Variants in TBC1D20 observed in about 807,000 individuals in gnomAD.
The protein encoded by TBC1D20 is TBC1 domain family member 20.
In TBC1D20, 12 loss-of-function variants were observed where a neutral mutation model predicts 41.6. That is an observed-to-expected ratio of 0.29 (90% confidence interval 0.18 to 0.47). The LOEUF (loss-of-function observed/expected upper bound fraction) is 0.47. Among genes scored for constraint, TBC1D20 ranks in the 20% least tolerant of loss-of-function variants. TBC1D20 has a pLI of 1.00. For synonymous variants in TBC1D20, 205 were observed against 204.8 expected (o/e 1.00, Z -0.01); for missense variants, 421 against 517.4 (o/e 0.81, Z 1.81).
At chr20:460,947 G>C (rs2017619266) in intron 1 of TBC1D20, among the ~76,000 whole-genome samples, 1 of 152,192 alleles carries the variant, frequency 6.6e-6, no homozygotes, top group African/African-American at 2.4e-5. Flanking sequence ...CATGAGGACA[G>C]ACATCACACA....
Position 462,344 on chromosome 20 carries a change from T to C in TBC1D20, c.62A>G (p.Glu21Gly), listed in dbSNP as rs2017648481. Residue 21 changes from glutamate to glycine, a missense_variant, in exon 1 of 8, where the codon GAG (glutamate) becomes GGG (glycine). By Grantham distance (98) the Glu-to-Gly change is moderately conservative (BLOSUM62 -2). This residue lies in a region of TBC1D20 where 150 missense variants were observed against 151.3 expected (regional missense o/e 0.99). Coordinates refer to ENST00000354200, the MANE Select transcript of TBC1D20 (RefSeq NM_144628.4). ...PTSGHWDGGA[E>G]KADFNAKRKK... ...CCGGTCGGCTTCCGTACCTGCCTTC[T>C]CCGCGCCGCCGTCCCAGTGGCCGGA... The C allele has an allele frequency of 3.1e-6, 4 of 1,304,910 alleles. No individual in the cohort carries two copies. The highest frequency in any genetic ancestry group is 3.6e-5 in the East Asian group (1 of 27,580). The allele number at this position is 1,304,910 out of a possible 1,614,324, so 80.8% of individuals were successfully genotyped here.
intron 3 of TBC1D20, among the ~76,000 whole-genome samples, chr20:443,928 A>G (rs1300626481): frequency 1.3e-5 from 2 of 152,122 alleles, no homozygotes; most frequent in Non-Finnish European, 2.9e-5. Flanking sequence ...GTTCGAGAGC[A>G]GCCTGGCCAA....
intron 1 of TBC1D20, among the ~76,000 whole-genome samples, chr20:458,696 C>T (rs1249761713): frequency 6.6e-6 from 1 of 152,142 alleles, no homozygotes; most frequent in African/African-American, 2.4e-5. Context: ...GCAACAAATA[C>T]GTGCAGAATA....
intron 5 of TBC1D20, 186 bp downstream of exon 5, chr20:441,402 A>G (rs1032834615): frequency 5.5e-5 from 33 of 599,030 alleles, no homozygotes; most frequent in Non-Finnish European, 9.5e-5. Context: ...CCCAAAGAGC[A>G]CAGTCCCCAA....
intron 1 of TBC1D20, among the ~76,000 whole-genome samples, chr20:459,692 G>C (rs1248983978): frequency 6.6e-6 from 1 of 151,962 alleles, no homozygotes; most frequent in Non-Finnish European, 1.5e-5. Flanking sequence ...CTTTATTTGA[G>C]GGGCACCACA....
chr20:440,591 G>A (rs2017209164), intron 5 of TBC1D20: 3 of 594,932 alleles, frequency 5.0e-6, no homozygotes, highest in Non-Finnish European at 8.2e-6. Context: ...CCACAACAGG[G>A]TCCTGGCTGC....
At position 462,477 on chromosome 20, in the gene TBC1D20, C is replaced by A; in HGVS notation, c.-72G>T. On this transcript the variant is annotated 5_prime_UTR_variant, in exon 1 of 8. Coordinates refer to ENST00000354200, the MANE Select transcript of TBC1D20 (RefSeq NM_144628.4). ...CCGGGAGAAGACGCGGCTCCGACCG[C>A]GGGACGTAGCACCCGCTCGGCATCG... The A allele has an allele frequency of 1.1e-6, 1 of 920,442 alleles. No homozygotes were observed. Among genetic ancestry groups the A allele is most frequent in the Non-Finnish European group, 1.4e-6 (1 of 718,210 alleles). The allele number at this position is 920,442 out of a possible 1,614,324, so 57.0% of individuals were successfully genotyped here. A position where few individuals can be genotyped will look rare whatever the true frequency, so the allele number is the denominator to read the frequency against.
intron 1 of TBC1D20, among the ~76,000 whole-genome samples, chr20:451,390 T>C (rs1482462207): frequency 1.3e-5 from 2 of 151,890 alleles, no homozygotes; most frequent in South Asian, 2.1e-4. Flanking sequence ...ACTTTAAAAA[T>C]ACAAAAAACT....
At chr20:455,712 C>T (rs2017528204) in intron 1 of TBC1D20, among the ~76,000 whole-genome samples, 1 of 151,392 alleles carries the variant, frequency 6.6e-6, no homozygotes. Context: ...GCGAGCGGAT[C>T]ACCTGAGGTC....
chr20:445,179 C>G lies in TBC1D20; in HGVS notation c.257-49G>C, dbSNP rs766480717. The stretch of plus-strand genomic sequence containing the variant: ...TTGCAGGAATGCCTGAGAAGCCAGA[C>G]CAGAAGCAAAACATTCTGGGATGAC... On this transcript the variant is annotated intron_variant, in intron 2 of 7. Coordinates refer to ENST00000354200, the MANE Select transcript of TBC1D20 (RefSeq NM_144628.4). 6.9e-6 allele frequency: 10 copies of G among 1,446,952 alleles called. No individual in the cohort carries two copies. In the South Asian group the frequency reaches 1.2e-4, roughly 17 times the overall value. The allele number at this position is 1,446,952 out of a possible 1,614,324, so 89.6% of individuals were successfully genotyped here. A position where few individuals can be genotyped will look rare whatever the true frequency, so the allele number is the denominator to read the frequency against.
At chr20:450,823 A>G (rs1002889804) in intron 1 of TBC1D20, 2 of 150,682 alleles carry the variant, frequency 1.3e-5, no homozygotes, top group African/African-American at 2.5e-5. Context: ...AGTAGCTATC[A>G]TATCATTTTT....
At chr20:458,074 G>A (rs1315940206) in intron 1 of TBC1D20, among the ~76,000 whole-genome samples, 1 of 152,106 alleles carries the variant, frequency 6.6e-6, no homozygotes, top group African/African-American at 2.4e-5. Context: ...TATTTGCTAA[G>A]AGTATGATAA....
At chr20:446,259 C>T (rs185199065) in intron 2 of TBC1D20, among the ~76,000 whole-genome samples, 59 of 152,336 alleles carry the variant, frequency 3.9e-4, no homozygotes, top group African/African-American at 1.3e-3. Context: ...ACCACATGGG[C>T]CTTGCACATT....
Position 445,080 on chromosome 20 carries a change from C to T in TBC1D20, c.307G>A (p.Val103Ile), listed in dbSNP as rs997533200. Reference sequence around the variant, plus strand: ...GGGAACCGCCGCAATGACCGCCGGACGTCCAGCAACACTTGTTGGTAGTCC... The same window carrying T: ...GGGAACCGCCGCAATGACCGCCGGATGTCCAGCAACACTTGTTGGTAGTCC... Reference protein sequence around the residue: ...SKDYQQVLLDVRRSLRRFPPG... With the variant: ...SKDYQQVLLDIRRSLRRFPPG... Residue 103 changes from valine to isoleucine, a missense_variant, in exon 3 of 8, where the codon GTC becomes ATC. By Grantham distance (29) the Val-to-Ile change is conservative. Around this residue, in one of 3 missense-constraint regions of TBC1D20, gnomAD observed 150 missense variants for 151.3 expected, o/e 0.99. Coordinates refer to ENST00000354200, the MANE Select transcript of TBC1D20 (RefSeq NM_144628.4). 17 of 1,605,892 alleles carry T rather than the reference C, an allele frequency of 1.1e-5. No individual in the cohort carries two copies. Among genetic ancestry groups the T allele is most frequent in the East Asian group, 2.2e-5 (1 of 44,578 alleles).
At chr20:440,565 TACCACAACACTAAC>T in intron 5 of TBC1D20, 176 bp from the exon 6 acceptor site, 1 of 786,894 alleles carries the variant, frequency 1.3e-6, no homozygotes, top group South Asian at 2.0e-5. Flanking sequence ...CTTTAAGGTG[TACCACAACACTAAC>T]ACCACAACAG....
intron 5 of TBC1D20, 87 bp downstream of exon 5, chr20:441,501 C>T: frequency 8.5e-7 from 1 of 1,170,004 alleles, no homozygotes; most frequent in Non-Finnish European, 1.3e-6. Context: ...AATGAGGAAA[C>T]TGCGCTCGGC....
In TBC1D20 at chr20:438,577, C is replaced by T. The variant is rs772928874; in HGVS notation, c.*9G>A. 6.2e-7 allele frequency: 1 copy of T among 1,613,366 alleles called. No individual in the cohort carries two copies. The highest frequency in any genetic ancestry group is 8.5e-7 in the Non-Finnish European group (1 of 1,179,384). ...TAATGTGATGTAAGAGGAAGGTCTT[C>T]TCTGGCTTTCAGGGAAACAGCTGCA... On this transcript the variant is annotated 3_prime_UTR_variant, in exon 8 of 8. Coordinates refer to ENST00000354200, the MANE Select transcript of TBC1D20 (RefSeq NM_144628.4).
chr20:457,906 G>C (rs915382031), intron 1 of TBC1D20, among the ~76,000 whole-genome samples: 2 of 152,144 alleles, frequency 1.3e-5, no homozygotes, highest in African/African-American at 4.8e-5. Flanking sequence ...ACCATGAGAA[G>C]AATTTAATTT....
At chr20:442,559 A>G (rs955285041) in intron 3 of TBC1D20, among the ~76,000 whole-genome samples, 1 of 152,260 alleles carries the variant, frequency 6.6e-6, no homozygotes, top group Non-Finnish European at 1.5e-5. Flanking sequence ...TTTTCCAGTG[A>G]AGCACATTAC....
Sources: gnomAD v4.1 joint callset for allele counts (sites outside exome capture counted in the v4.1 genomes callset) on GRCh38, gnomAD v4.1.1 for gene constraint, gnomAD v4.1.1 regional missense constraint, MANE v1.5 for transcripts, NCBI Gene and HGNC (gene_info 2026-07-23, HGNC 2026-07-21) for gene names.